The following UBASH3B variants were observed in gnomAD, a reference collection of about 807,000 sequenced individuals.
UBASH3B encodes ubiquitin-associated and SH3 domain-containing protein B.
A neutral mutation model predicts 83.4 loss-of-function variants in UBASH3B; 37 were observed. That is an observed-to-expected ratio of 0.44 (90% CI 0.34 to 0.58). The LOEUF (loss-of-function observed/expected upper bound fraction) is 0.58, where lower values mean the gene tolerates loss of function less well. UBASH3B is among the 20% of genes least tolerant of loss of function. The pLI is 0.01. For synonymous variants in UBASH3B, 304 were observed against 318.3 expected (o/e 0.96, Z 0.48); for missense variants, 657 against 827.2 (o/e 0.79, Z 2.52).
In UBASH3B at chr11:122,813,370, A is replaced by G. The variant is rs1861483153; in HGVS notation, c.*3484A>G. ...ATTGCCTTTGTGGAAAGGCTTCCCT[A>G]TGTGGTAAAAGAAAGGCATTCCTCC... is the stretch of plus-strand genomic sequence containing the variant. On this transcript the variant is annotated 3_prime_UTR_variant, in exon 14 of 14. Transcript: ENST00000284273. 6.6e-6 allele frequency: 1 copy of G among 152,174 alleles called. No homozygotes were observed. Among genetic ancestry groups the G allele is most frequent in the Non-Finnish European group, 1.5e-5 (1 of 68,024 alleles). The allele number at this position is 152,174 out of a possible 1,614,324, so 9.4% of individuals were successfully genotyped here. A position where few individuals can be genotyped will look rare whatever the true frequency, so the allele number is the denominator to read the frequency against.
chr11:122,666,803 C>G (rs996887916), intron 1 of UBASH3B, among the ~76,000 whole-genome samples: 1 of 152,018 alleles, frequency 6.6e-6, no homozygotes, highest in African/African-American at 2.4e-5. Flanking sequence ...TTTTACCCAT[C>G]CTGGAGAACT....
At chr11:122,780,157 G>A (rs781223933) in intron 4 of UBASH3B, among the ~76,000 whole-genome samples, 9 of 152,182 alleles carry the variant, frequency 5.9e-5, no homozygotes, top group African/African-American at 1.9e-4. Context: ...GAAGCACTTC[G>A]TATTATATCA....
chr11:122,689,136 C>T (rs1193105593), intron 1 of UBASH3B, among the ~76,000 whole-genome samples: 2 of 151,684 alleles, frequency 1.3e-5, no homozygotes, highest in African/African-American at 4.9e-5. Flanking sequence ...TTAAATAGCC[C>T]CACAATGTAA....
intron 1 of UBASH3B, among the ~76,000 whole-genome samples, chr11:122,707,290 C>T (rs965721276): frequency 1.2e-4 from 18 of 152,184 alleles, no homozygotes; most frequent in African/African-American, 3.1e-4. Flanking sequence ...CAGGCTACAA[C>T]CCTACTCTGC....
At chr11:122,662,678 G>A (rs1034797161) in intron 1 of UBASH3B, among the ~76,000 whole-genome samples, 1 of 152,034 alleles carries the variant, frequency 6.6e-6, no homozygotes, top group Non-Finnish European at 1.5e-5. Flanking sequence ...TGATCCGCCC[G>A]CCTCGGCCTC....
intron 1 of UBASH3B, among the ~76,000 whole-genome samples, chr11:122,731,513 T>C (rs1033017305): frequency 1.3e-5 from 2 of 149,924 alleles, no homozygotes; most frequent in Non-Finnish European, 3.0e-5. Context: ...GTTGGTCTGA[T>C]AACCTAGATA....
chr11:122,744,896 T>TGTGTGTGTGTGC (rs1264365256), intron 1 of UBASH3B, among the ~76,000 whole-genome samples: 3 of 123,034 alleles, frequency 2.4e-5, no homozygotes, highest in African/African-American at 8.0e-5. Context: ...TGTGTGTGTG[T>TGTGTGTGTGTGC]GTGCGCGCGC....
At chr11:122,704,120 C>T (rs541525850) in intron 1 of UBASH3B, among the ~76,000 whole-genome samples, 9 of 152,336 alleles carry the variant, frequency 5.9e-5, no homozygotes, top group Admixed American at 5.9e-4. Flanking sequence ...GCTTTATAAG[C>T]TGAATGGGCA....
chr11:122,712,599 G>C (rs1864210876), intron 1 of UBASH3B, among the ~76,000 whole-genome samples: 1 of 152,094 alleles, frequency 6.6e-6, no homozygotes, highest in African/African-American at 2.4e-5. Flanking sequence ...GTCACCAAGG[G>C]AAGCTAGGGA....
intron 1 of UBASH3B, among the ~76,000 whole-genome samples, chr11:122,753,838 G>T (rs1861240813): frequency 6.6e-6 from 1 of 152,102 alleles, no homozygotes; most frequent in South Asian, 2.1e-4. Context: ...AATTTTGAAG[G>T]ATTAACATGC....
chr11:122,745,761 G>T (rs77928065), intron 1 of UBASH3B, among the ~76,000 whole-genome samples: 17 of 152,094 alleles, frequency 1.1e-4, no homozygotes, highest in African/African-American at 4.1e-4. Context: ...CATTGCACCC[G>T]CTGTTCCGTC....
chr11:122,657,637 ATC>A (rs1313208660), intron 1 of UBASH3B, among the ~76,000 whole-genome samples: 16 of 152,198 alleles, frequency 1.1e-4, no homozygotes, highest in Middle Eastern at 3.4e-3. Flanking sequence ...CTTGGTTGTA[ATC>A]TGTTAATCAA....
chr11:122,713,365 G>A (rs1864225612), intron 1 of UBASH3B, among the ~76,000 whole-genome samples: 2 of 152,100 alleles, frequency 1.3e-5, no homozygotes, highest in South Asian at 2.1e-4. Flanking sequence ...CTGACTCTGC[G>A]GCATCAGACG....
intron 1 of UBASH3B, among the ~76,000 whole-genome samples, chr11:122,677,390 C>T (rs1863682004): frequency 6.7e-6 from 1 of 148,350 alleles, no homozygotes; most frequent in Admixed American, 6.6e-5. Flanking sequence ...TTGCATTATC[C>T]ATTCCTAACT....
At chr11:122,707,634 G>A (rs561186624) in intron 1 of UBASH3B, among the ~76,000 whole-genome samples, 1 of 152,148 alleles carries the variant, frequency 6.6e-6, no homozygotes, top group East Asian at 1.9e-4. Context: ...GCAGTTAAAG[G>A]CTATTGTCTC....
intron 1 of UBASH3B, among the ~76,000 whole-genome samples, chr11:122,766,476 C>T (rs1591804215): frequency 6.6e-6 from 1 of 152,122 alleles, no homozygotes; most frequent in South Asian, 2.1e-4. Flanking sequence ...ACCCGGGAGG[C>T]GGAGCTTGCA....
At chr11:122,678,993 A>G (rs1863703770) in intron 1 of UBASH3B, among the ~76,000 whole-genome samples, 1 of 152,224 alleles carries the variant, frequency 6.6e-6, no homozygotes, top group Non-Finnish European at 1.5e-5. Context: ...CTCTGTGTTT[A>G]AGAGCCGTAG....
intron 1 of UBASH3B, among the ~76,000 whole-genome samples, chr11:122,742,083 G>A (rs1460221868): frequency 6.6e-6 from 1 of 152,194 alleles, no homozygotes; most frequent in Non-Finnish European, 1.5e-5. Context: ...TCTGGAGTTG[G>A]ACACAGTCCA....
chr11:122,676,043 G>A (rs885325), intron 1 of UBASH3B, among the ~76,000 whole-genome samples: 37,275 of 152,124 alleles, frequency 0.25, 4,714 homozygotes, highest in Middle Eastern at 0.27. Flanking sequence ...ATGCACTGAA[G>A]TTTATCTGGC....
Sources: allele counts gnomAD v4.1 joint callset (sites outside exome capture counted in the v4.1 genomes callset), GRCh38; gene constraint gnomAD v4.1.1; transcripts MANE v1.5; gene names NCBI Gene and HGNC (gene_info 2026-07-23, HGNC 2026-07-21).